Variants in PRRC1 observed in about 807,000 individuals in gnomAD.
PRRC1 encodes proline rich coiled-coil 1, also known as protein PRRC1.
In PRRC1, 39 loss-of-function variants were observed where a neutral mutation model predicts 40.7. That is an observed-to-expected ratio of 0.96 (90% CI 0.74 to 1.25). The LOEUF is 1.25. Among genes scored for constraint, PRRC1 ranks in the 50% most tolerant of loss-of-function variants. The probability of loss-of-function intolerance (pLI) is 0.00; values close to 1 mark genes in which losing one functional copy is unlikely to be tolerated. For synonymous variants in PRRC1, 175 were observed against 193.3 expected (o/e 0.91, Z 0.79); for missense variants, 573 against 548.3 (o/e 1.05, Z -0.45).
Position 127,552,138 on chromosome 5 carries a change from C to T in PRRC1, c.*222C>T. On this transcript the variant is annotated 3_prime_UTR_variant, in exon 9 of 9. Transcript: ENST00000296666. ...TCATACCATTTCACCTATCATAGTA[C>T]TCAAAAAAGAAAATATACAAATCTA... 1.5e-6 allele frequency: 2 copies of T among 1,338,344 alleles called. No individual in the cohort carries two copies. Among genetic ancestry groups the T allele is most frequent in the Non-Finnish European group, 1.9e-6 (2 of 1,044,678 alleles). 82.9% of individuals were successfully genotyped at this position (1,338,344 alleles called of 1,614,324 possible).
At chr5:127,531,308 T>C (rs1323389272) in intron 5 of PRRC1, among the ~76,000 whole-genome samples, 4 of 152,346 alleles carry the variant, frequency 2.6e-5, no homozygotes, top group Admixed American at 2.6e-4. Context: ...TGGAGCTGTA[T>C]TGAACTCATG....
At chr5:127,535,604 G>A (rs1046378945) in intron 6 of PRRC1, among the ~76,000 whole-genome samples, 2 of 152,062 alleles carry the variant, frequency 1.3e-5, no homozygotes, top group Admixed American at 6.6e-5. Flanking sequence ...TAATAGGATC[G>A]ATCAACTGTA....
At chr5:127,539,233 T>C (rs1767975186) in intron 7 of PRRC1, 90 bp downstream of exon 7, 1 of 897,778 alleles carries the variant, frequency 1.1e-6, no homozygotes, top group Non-Finnish European at 1.8e-6. Context: ...TCCTGTTTTA[T>C]AACCAGAGAG....
At chr5:127,541,849 G>A (rs1306509940) in intron 7 of PRRC1, among the ~76,000 whole-genome samples, 1 of 151,642 alleles carries the variant, frequency 6.6e-6, no homozygotes, top group Admixed American at 6.6e-5. Context: ...TTAATTTTTT[G>A]AAGGGTTTTT....
At chr5:127,531,419 A>G (rs1458873719) in intron 5 of PRRC1, among the ~76,000 whole-genome samples, 1 of 152,196 alleles carries the variant, frequency 6.6e-6, no homozygotes, top group Admixed American at 6.5e-5. Flanking sequence ...AACTGTCCAA[A>G]GAATTCAAAA....
At chr5:127,545,411 G>T (rs569147122) in intron 7 of PRRC1, among the ~76,000 whole-genome samples, 26 of 152,148 alleles carry the variant, frequency 1.7e-4, no homozygotes, top group African/African-American at 6.0e-4. Context: ...TGATAGACTG[G>T]ATTAAGAAAA....
rs1768423388 is a variant in PRRC1 at position 127,552,641 on chromosome 5, A to G, written c.*725A>G. ...ATTGCTATATGACAGCTAAGGGGCA[A>G]ATGATTCAAGTATATTTTAAATCAG... On this transcript the variant is annotated 3_prime_UTR_variant, in exon 9 of 9. Coordinates refer to ENST00000296666, the MANE Select transcript of PRRC1 (RefSeq NM_130809.5). The G allele has an allele frequency of 3.1e-6, 3 of 977,242 alleles. No homozygotes were observed. The highest frequency in any genetic ancestry group is 3.6e-6 in the Non-Finnish European group (3 of 822,090). 60.5% of individuals were successfully genotyped at this position (977,242 alleles called of 1,614,324 possible). A position where few individuals can be genotyped will look rare whatever the true frequency, so the allele number is the denominator to read the frequency against.
Position 127,552,328 on chromosome 5 carries a change from CTT to C in PRRC1, c.*415_*416del, listed in dbSNP as rs1315957214. 4.9e-6 allele frequency: 5 copies of C among 1,024,028 alleles called. No homozygotes were observed. The highest frequency in any genetic ancestry group is 5.9e-6 in the Non-Finnish European group (5 of 852,406). The allele number at this position is 1,024,028 out of a possible 1,614,324, so 63.4% of individuals were successfully genotyped here. The stretch of plus-strand genomic sequence containing the variant: ...AGCATGATTTGCTTTGGCTTCATCT[CTT>C]TTCTGTCAGTCTTTGACTACTTTTG... On this transcript the variant is annotated 3_prime_UTR_variant, in exon 9 of 9. Transcript: ENST00000296666.
Position 127,552,918 on chromosome 5 carries a change from GAAAC to G in PRRC1, c.*1003_*1006del. On this transcript the variant is annotated 3_prime_UTR_variant, in exon 9 of 9. Transcript: ENST00000296666. ...TTTACTTTTTATGGATGTTTTCAAAGAAACTATTTTATATTCAATCTAGTTTATT... is the reference window on the plus strand; with the variant it reads ...TTTACTTTTTATGGATGTTTTCAAAGTATTTTATATTCAATCTAGTTTATT... 1.1e-6 allele frequency: 1 copy of G among 920,862 alleles called. No homozygotes were observed. The highest frequency in any genetic ancestry group is 1.3e-6 in the Non-Finnish European group (1 of 771,700). The allele number at this position is 920,862 out of a possible 1,614,324, so 57.0% of individuals were successfully genotyped here.
At chr5:127,534,672 T>C (rs1767850385) in intron 6 of PRRC1, among the ~76,000 whole-genome samples, 1 of 152,206 alleles carries the variant, frequency 6.6e-6, no homozygotes, top group African/African-American at 2.4e-5. Context: ...ACGGTCACCT[T>C]CTCATCAATT....
intron 4 of PRRC1, among the ~76,000 whole-genome samples, chr5:127,527,807 T>TGTAAATC (rs1767665743): frequency 6.6e-6 from 1 of 150,942 alleles, no homozygotes; most frequent in South Asian, 2.1e-4. Context: ...CACTGTTGTA[T>TGTAAATC]GTAAATCTTT....
At chr5:127,538,594 A>G (rs2127105776) in intron 6 of PRRC1, among the ~76,000 whole-genome samples, 1 of 152,192 alleles carries the variant, frequency 6.6e-6, no homozygotes, top group African/African-American at 2.4e-5. Flanking sequence ...GAATCAGAAG[A>G]AAGAGAAAAA....
intron 6 of PRRC1, among the ~76,000 whole-genome samples, chr5:127,538,379 T>C (rs1424418173): frequency 1.3e-5 from 2 of 152,104 alleles, no homozygotes; most frequent in Non-Finnish European, 2.9e-5. Flanking sequence ...ACATTGTTCA[T>C]GGTCACCTTT....
In PRRC1 at chr5:127,553,297, A is replaced by G; in HGVS notation, c.*1381A>G. ...ATTATTTGGTTTCTGCTATTTTTTT[A>G]CCTGAGGATAAGAAGAATGAATATT... On this transcript the variant is annotated 3_prime_UTR_variant, in exon 9 of 9. Coordinates refer to ENST00000296666, the MANE Select transcript of PRRC1 (RefSeq NM_130809.5). 1.0e-6 allele frequency: 1 copy of G among 986,314 alleles called. No individual in the cohort carries two copies. The highest frequency in any genetic ancestry group is 1.2e-6 in the Non-Finnish European group (1 of 830,658). The allele number at this position is 986,314 out of a possible 1,614,324, so 61.1% of individuals were successfully genotyped here.
chr5:127,553,686 T>C lies in PRRC1; in HGVS notation c.*1770T>C. 6.7e-7 allele frequency: 1 copy of C among 1,484,412 alleles called. No individual in the cohort carries two copies. The highest frequency in any genetic ancestry group is 8.9e-7 in the Non-Finnish European group (1 of 1,123,624). The allele number at this position is 1,484,412 out of a possible 1,614,324, so 92.0% of individuals were successfully genotyped here. A position where few individuals can be genotyped will look rare whatever the true frequency, so the allele number is the denominator to read the frequency against. ...TCCTATTATAAGGAAATCTTACAGATTCTAAAAATACCTTAATTTTTCTTT... is the reference window on the plus strand; with the variant it reads ...TCCTATTATAAGGAAATCTTACAGACTCTAAAAATACCTTAATTTTTCTTT... On this transcript the variant is annotated 3_prime_UTR_variant, in exon 9 of 9. Transcript: ENST00000296666.
intron 7 of PRRC1, among the ~76,000 whole-genome samples, chr5:127,540,124 A>C (rs553654902): frequency 6.6e-6 from 1 of 152,210 alleles, no homozygotes; most frequent in Non-Finnish European, 1.5e-5. Flanking sequence ...TTGGATGGGA[A>C]ATCAAGAGGT....
At position 127,551,939 on chromosome 5, in the gene PRRC1, G is replaced by A. The variant is rs371227454; in HGVS notation, c.*23G>A. On this transcript the variant is annotated 3_prime_UTR_variant, in exon 9 of 9. Coordinates refer to ENST00000296666, the MANE Select transcript of PRRC1 (RefSeq NM_130809.5). ...TGAGAGGAGACCTACCTGGGAGACT[G>A]AGACTTTCCCCCACTTTTAGCTTGA... is the stretch of plus-strand genomic sequence containing the variant. The A allele has an allele frequency of 1.9e-6, 3 of 1,612,946 alleles. No individual in the cohort carries two copies. The highest frequency in any genetic ancestry group is 2.5e-6 in the Non-Finnish European group (3 of 1,179,374).
intron 4 of PRRC1, 73 bp downstream of exon 4, chr5:127,526,851 G>T: frequency 1.6e-6 from 2 of 1,237,478 alleles, no homozygotes; most frequent in South Asian, 3.9e-5. Context: ...AGAAAATATT[G>T]AAAATACAGG....
chr5:127,524,648 T>C lies in PRRC1; in HGVS notation c.221T>C (p.Phe74Ser), dbSNP rs753019307. The C allele has an allele frequency of 6.2e-7, 1 of 1,614,168 alleles. No individual in the cohort carries two copies. ...PPVRPSAPLP[F>S]VPPPAVPSVP... is the part of the protein sequence containing the mutation. Reference sequence around the variant, plus strand: ...GTGAGGCCTTCAGCACCATTACCTTTTGTGCCTCCTCCTGCAGTTCCTTCT... The same window carrying C: ...GTGAGGCCTTCAGCACCATTACCTTCTGTGCCTCCTCCTGCAGTTCCTTCT... The change falls in exon 3 of 9, where the codon TTT becomes TCT. Residue 74 changes from phenylalanine to serine, a missense_variant. Phe to Ser is a radical substitution (Grantham distance 155). Coordinates refer to ENST00000296666, the MANE Select transcript of PRRC1 (RefSeq NM_130809.5).
Sources: gnomAD v4.1 joint callset for allele counts (sites outside exome capture counted in the v4.1 genomes callset) on GRCh38, gnomAD v4.1.1 for gene constraint, MANE v1.5 for transcripts, NCBI Gene and HGNC (gene_info 2026-07-23, HGNC 2026-07-21) for gene names.